The following PLD1 variants were observed in gnomAD, a reference collection of about 807,000 sequenced individuals.
PLD1 encodes choline phosphatase 1.
In PLD1, 112 loss-of-function variants were observed where a neutral mutation model predicts 137.1. The observed-to-expected ratio is 0.82, with a 90% CI of 0.70 to 0.96. PLD1 has a LOEUF of 0.96. PLD1 is among the 40% of genes least tolerant of loss of function. PLD1 has a pLI of 0.00. For missense variants in PLD1, 1,321 were observed against 1,342.0 expected (o/e 0.98, Z 0.24); for synonymous variants, 431 against 454.7 (o/e 0.95, Z 0.66).
chr3:171,708,913 A>C, intron 10 of PLD1, 75 bp from the exon 11 acceptor site: 2 of 884,744 alleles, frequency 2.3e-6, no homozygotes, highest in Non-Finnish European at 3.7e-6. Context: ...GGTAAAGCAA[A>C]ACATGGAAGC....
At chr3:171,764,249 C>T (rs771123175) in intron 1 of PLD1, among the ~76,000 whole-genome samples, 1 of 152,186 alleles carries the variant, frequency 6.6e-6, no homozygotes, top group Non-Finnish European at 1.5e-5. Context: ...GCTGAGGTTA[C>T]AGGCATGAGC....
In PLD1 at chr3:171,692,371, G is replaced by T; in HGVS notation, c.1299C>A (p.Tyr433Ter). Residue 433 changes from tyrosine to a stop codon, truncating the protein, a stop_gained, in exon 13 of 27, where the codon TAC becomes TAA. Coordinates refer to ENST00000351298, the MANE Select transcript of PLD1 (RefSeq NM_002662.5). LOFTEE classifies it high-confidence loss of function. Reference sequence around the variant, plus strand: ...GTAGACGCATCAAAGTCCTCTTGGTGTATTCACTATTGATGCCAAGAGCGA... The same window carrying T: ...GTAGACGCATCAAAGTCCTCTTGGTTTATTCACTATTGATGCCAAGAGCGA... Reference protein sequence around the residue: ...VELALGINSEYTKRTLMRLHP... With the variant: ...VELALGINSE 1 of 1,588,464 alleles carries T rather than the reference G, an allele frequency of 6.3e-7. No homozygotes were observed. The highest frequency in any genetic ancestry group is 8.6e-7 in the Non-Finnish European group (1 of 1,156,598).
chr3:171,650,455 C>T (rs1048087849), intron 21 of PLD1, among the ~76,000 whole-genome samples: 2 of 151,978 alleles, frequency 1.3e-5, no homozygotes, highest in Non-Finnish European at 2.9e-5. Context: ...CAGAACAGGC[C>T]GGAGGGAGAT....
At chr3:171,654,555 T>C (rs1737039832) in intron 21 of PLD1, among the ~76,000 whole-genome samples, 1 of 152,164 alleles carries the variant, frequency 6.6e-6, no homozygotes, top group South Asian at 2.1e-4. Context: ...TCTGAGAATC[T>C]CCTCAGAAAC....
chr3:171,627,744 C>T lies in PLD1; in HGVS notation c.2594-7224G>A, dbSNP rs187274495. Among the ~76,000 whole-genome samples the T allele has an allele frequency of 9.3e-3, 1,411 of 152,252 alleles. 23 individuals are homozygous for T. The highest frequency in any genetic ancestry group is 0.028 in the African/African-American group (1,176 of 41,542). ...CTCAACTACATGGAAACTGAACAAC[C>T]TGCTCCTGAATGACTACTGGGTACA... On this transcript the variant is annotated intron_variant, in intron 23 of 26. Coordinates refer to ENST00000351298, the MANE Select transcript of PLD1 (RefSeq NM_002662.5).
At position 171,676,611 on chromosome 3, in the gene PLD1, T is replaced by G. The variant is rs546587510; in HGVS notation, c.2115+104A>C. The G allele has an allele frequency of 3.5e-6, 3 of 864,346 alleles. No individual in the cohort carries two copies. In the African/African-American group the frequency reaches 5.0e-5, roughly 14 times the overall value. The allele number at this position is 864,346 out of a possible 1,614,324, so 53.5% of individuals were successfully genotyped here. On this transcript the variant is annotated intron_variant, in intron 18 of 26. Coordinates refer to ENST00000351298, the MANE Select transcript of PLD1 (RefSeq NM_002662.5). ...CAACAGCAGAGCAGTGACACAGTTG[T>G]GGCCACAACAGTCTCTTCTTGCTAC...
intron 1 of PLD1, among the ~76,000 whole-genome samples, chr3:171,807,294 C>CAA (rs34352774): frequency 1.2e-4 from 18 of 148,724 alleles, no homozygotes; most frequent in East Asian, 5.9e-4. Context: ...GACCCTGTCT[C>CAA]AAAAAAAAAA....
At chr3:171,738,319 A>G (rs1412387871) in intron 1 of PLD1, among the ~76,000 whole-genome samples, 1 of 152,120 alleles carries the variant, frequency 6.6e-6, no homozygotes, top group African/African-American at 2.4e-5. Flanking sequence ...AAAAAGAAAA[A>G]AAAAAGCAAC....
rs972024846 is a variant in PLD1, at chr3:171,639,722, CAT to C, written c.2593+3116_2593+3117del. Among the ~76,000 whole-genome samples, 20 of 123,614 alleles carry C rather than the reference CAT, an allele frequency of 1.6e-4. No homozygotes were observed. In the East Asian group the frequency reaches 3.3e-3, roughly 21 times the overall value. 81.1% of individuals were successfully genotyped at this position (123,614 alleles called of 152,430 possible). A position where few individuals can be genotyped will look rare whatever the true frequency, so the allele number is the denominator to read the frequency against. ...AATATATATTATATAAATATATAAA[CAT>C]ATATTCATACATATATCTTTCATAT... On this transcript the variant is annotated intron_variant, in intron 23 of 26. Coordinates refer to ENST00000351298, the MANE Select transcript of PLD1 (RefSeq NM_002662.5).
intron 1 of PLD1, chr3:171,789,367 C>A (rs4243418): frequency 0.86 from 131,130 of 152,252 alleles, 56,723 homozygotes; most frequent in Middle Eastern, 0.95. Flanking sequence ...CACTCTAAGG[C>A]GTTTCAGATC....
chr3:171,690,599 A>C (rs1014791639), intron 13 of PLD1, among the ~76,000 whole-genome samples: 6 of 151,880 alleles, frequency 4.0e-5, no homozygotes, highest in Non-Finnish European at 7.4e-5. Flanking sequence ...TTGTTTTATC[A>C]TTGCTTGTTT....
intron 25 of PLD1, among the ~76,000 whole-genome samples, chr3:171,606,519 C>T (rs1004231680): frequency 2.0e-5 from 3 of 152,032 alleles, no homozygotes; most frequent in African/African-American, 7.2e-5. Context: ...GGGTGTATAT[C>T]AACAGTAAGG....
intron 1 of PLD1, among the ~76,000 whole-genome samples, chr3:171,764,053 C>G (rs1031451469): frequency 9.2e-5 from 14 of 152,076 alleles, no homozygotes; most frequent in African/African-American, 3.1e-4. Flanking sequence ...CTCACTGTAG[C>G]GTTGAACTCC....
intron 3 of PLD1, among the ~76,000 whole-genome samples, chr3:171,736,372 T>C (rs1416695392): frequency 6.6e-6 from 1 of 152,084 alleles, no homozygotes; most frequent in Non-Finnish European, 1.5e-5. Context: ...AAGGCAAAGA[T>C]GAATTAAACC....
intron 19 of PLD1, among the ~76,000 whole-genome samples, chr3:171,667,264 T>A (rs867987361): frequency 6.6e-6 from 1 of 152,166 alleles, no homozygotes; most frequent in Admixed American, 6.5e-5. Context: ...GCCTTTTTCT[T>A]CCAGACTGTA....
intron 1 of PLD1, chr3:171,809,119 C>T (rs1724004148): frequency 6.6e-6 from 1 of 152,254 alleles, no homozygotes; most frequent in South Asian, 2.1e-4. Context: ...GTCACCGCGC[C>T]CAGGCAGCAC....
rs1271134997 is a variant in PLD1, at chr3:171,602,235, C to A, written c.*843G>T. 2 of 152,206 alleles carry A rather than the reference C, an allele frequency of 1.3e-5. No homozygotes were observed. Among genetic ancestry groups the A allele is most frequent in the African/African-American group, 4.8e-5 (2 of 41,444 alleles). 9.4% of individuals were successfully genotyped at this position (152,206 alleles called of 1,614,324 possible). ...TATCTGGATCTGATCCTCCTCGACA[C>A]CTTGGGGGTTTCCGAAGGCTGTGTG... On this transcript the variant is annotated 3_prime_UTR_variant, in exon 27 of 27. Coordinates refer to ENST00000351298, the MANE Select transcript of PLD1 (RefSeq NM_002662.5).
At chr3:171,784,918 G>A (rs1244608786) in intron 1 of PLD1, among the ~76,000 whole-genome samples, 1 of 152,162 alleles carries the variant, frequency 6.6e-6, no homozygotes, top group Non-Finnish European at 1.5e-5. Flanking sequence ...ACAGTGCCTG[G>A]CATATTATAG....
intron 1 of PLD1, among the ~76,000 whole-genome samples, chr3:171,742,807 C>T (rs868509420): frequency 7.2e-5 from 11 of 152,098 alleles, no homozygotes; most frequent in East Asian, 5.8e-4. Flanking sequence ...TAATATAATA[C>T]GACTTGGATA....
Sources: allele counts gnomAD v4.1 joint callset (sites outside exome capture counted in the v4.1 genomes callset), GRCh38; gene constraint gnomAD v4.1.1; transcripts MANE v1.5; gene names NCBI Gene and HGNC (gene_info 2026-07-23, HGNC 2026-07-21).